Variants in TMEM178A observed in about 807,000 individuals in gnomAD.
TMEM178A encodes the protein transmembrane protein 178.
A neutral mutation model predicts 29.1 loss-of-function variants in TMEM178A; 12 were observed. That is an observed-to-expected ratio of 0.41 (90% CI 0.26 to 0.67). The LOEUF (loss-of-function observed/expected upper bound fraction) is 0.67, where lower values mean the gene tolerates loss of function less well. Ranked by LOEUF, TMEM178A falls within the 30% of genes least tolerant of loss-of-function variation. The pLI, the probability that TMEM178A is intolerant of heterozygous loss-of-function variation, is 0.29. For synonymous variants in TMEM178A, 210 were observed against 187.2 expected, an observed-to-expected ratio of 1.12 and a Z score of -0.99; for missense variants, 366 against 419.1, an observed-to-expected ratio of 0.87 and a Z score of 1.11.
chr2:39,681,763 C>T (rs1168827488), intron 1 of TMEM178A, among the ~76,000 whole-genome samples: 1 of 152,132 alleles, frequency 6.6e-6, no homozygotes, highest in Admixed American at 6.5e-5. Flanking sequence ...GAAAAAGCAC[C>T]TTAAATTTAC....
chr2:39,703,156 A>G (rs17024166), intron 1 of TMEM178A, among the ~76,000 whole-genome samples: 3,377 of 152,312 alleles, frequency 0.022, 111 homozygotes, highest in African/African-American at 0.076. Flanking sequence ...GTGTTAAAGG[A>G]CTAACATTCG....
downstream of TMEM178A, among the ~76,000 whole-genome samples, chr2:39,721,952 A>C (rs1218251075): frequency 7.7e-6 from 1 of 130,050 alleles, no homozygotes; most frequent in Non-Finnish European, 1.6e-5. Context: ...ACTGCACTGC[A>C]CTCCAGCCTG....
chr2:39,723,999 C>T, the TMEM178A span, among the ~76,000 whole-genome samples: 2 of 152,142 alleles, frequency 1.3e-5, no homozygotes, highest in South Asian at 4.1e-4. Flanking sequence ...GCACACACTG[C>T]ACTTTGTAAT....
At chr2:39,694,905 A>G (rs534061901) in intron 1 of TMEM178A, among the ~76,000 whole-genome samples, 7 of 152,322 alleles carry the variant, frequency 4.6e-5, no homozygotes, top group African/African-American at 1.4e-4. Context: ...ACCTGATGAA[A>G]GGTTTGTCCT....
At chr2:39,706,551 A>G (rs1327827006) in intron 2 of TMEM178A, among the ~76,000 whole-genome samples, 1 of 152,230 alleles carries the variant, frequency 6.6e-6, no homozygotes, top group African/African-American at 2.4e-5. Flanking sequence ...ACCCTATTTC[A>G]CAATAGCTTT....
At chr2:39,728,937 A>T in the TMEM178A span, among the ~76,000 whole-genome samples, 1 of 152,208 alleles carries the variant, frequency 6.6e-6, no homozygotes, top group Non-Finnish European at 1.5e-5. Context: ...GGTAACAGAA[A>T]AAATGCAAAA....
chr2:39,702,746 A>G (rs1237232460), intron 1 of TMEM178A, among the ~76,000 whole-genome samples: 1 of 152,006 alleles, frequency 6.6e-6, no homozygotes, highest in Admixed American at 6.5e-5. Context: ...TAAAAAAAAA[A>G]GCTTCCAAAA....
At chr2:39,682,985 C>T (rs2716695) in intron 1 of TMEM178A, among the ~76,000 whole-genome samples, 3,277 of 152,270 alleles carry the variant, frequency 0.022, 121 homozygotes, top group African/African-American at 0.075. Context: ...CAAGATAAAG[C>T]AGATACAGGG....
At chr2:39,721,151 G>T (rs1672694858), downstream of TMEM178A, among the ~76,000 whole-genome samples, 1 of 152,234 alleles carries the variant, frequency 6.6e-6, no homozygotes, top group Admixed American at 6.5e-5. Context: ...CTGGGGCCTT[G>T]CCCTTTGACT....
At chr2:39,728,358 C>T in the TMEM178A span, among the ~76,000 whole-genome samples, 3 of 152,216 alleles carry the variant, frequency 2.0e-5, no homozygotes, top group African/African-American at 7.2e-5. Flanking sequence ...CAGCTGTCTG[C>T]TTCTTGAATG....
chr2:39,722,687 G>C (rs1194956593), downstream of TMEM178A, among the ~76,000 whole-genome samples: 1 of 152,198 alleles, frequency 6.6e-6, no homozygotes, highest in Non-Finnish European at 1.5e-5. Flanking sequence ...ACAGCAGATA[G>C]ACTATTGGTC....
At chr2:39,701,042 T>G (rs1671759244) in intron 1 of TMEM178A, among the ~76,000 whole-genome samples, 1 of 152,146 alleles carries the variant, frequency 6.6e-6, no homozygotes, top group African/African-American at 2.4e-5. Flanking sequence ...AGATTTATAA[T>G]TGTTGCTTTA....
chr2:39,723,898 A>G, the TMEM178A span, among the ~76,000 whole-genome samples: 2 of 152,188 alleles, frequency 1.3e-5, no homozygotes, highest in African/African-American at 4.8e-5. Flanking sequence ...ATACATCTAG[A>G]TAGGTTCACA....
At chr2:39,705,327 A>C (rs192309751) in intron 2 of TMEM178A, among the ~76,000 whole-genome samples, 3 of 152,230 alleles carry the variant, frequency 2.0e-5, no homozygotes, top group Non-Finnish European at 2.9e-5. Context: ...TAAGCTTAAC[A>C]TGACTGGTAC....
intron 1 of TMEM178A, among the ~76,000 whole-genome samples, chr2:39,673,134 ACCTCAGATTGGCCATCT>A (rs546220713): frequency 0.015 from 2,295 of 152,218 alleles, 28 homozygotes; most frequent in Admixed American, 0.023. Context: ...GCAAACCACG[ACCTCAGATTGGCCATCT>A]CTTCATGCCC....
At chr2:39,719,549 G>A (rs938073083), downstream of TMEM178A, among the ~76,000 whole-genome samples, 3 of 152,264 alleles carry the variant, frequency 2.0e-5, no homozygotes, top group Non-Finnish European at 2.9e-5. Context: ...TGTCACGCAA[G>A]TGTGGGCAAA....
intron 1 of TMEM178A, among the ~76,000 whole-genome samples, chr2:39,698,879 T>C (rs949535824): frequency 3.9e-5 from 6 of 152,176 alleles, no homozygotes; most frequent in African/African-American, 1.4e-4. Context: ...TATTTTTTCT[T>C]GAGTCAGTCT....
At chr2:39,730,104 G>C in the TMEM178A span, among the ~76,000 whole-genome samples, 4 of 152,074 alleles carry the variant, frequency 2.6e-5, no homozygotes, top group African/African-American at 9.7e-5. Flanking sequence ...AATTCAACCT[G>C]TTTATGTGTT....
chr2:39,708,473 C>T (rs1236794364), intron 3 of TMEM178A, among the ~76,000 whole-genome samples: 1 of 124,000 alleles, frequency 8.1e-6, no homozygotes, highest in Non-Finnish European at 1.6e-5. Context: ...GGCTGGAGTG[C>T]AGTGGCGCGA....
Sources: allele counts gnomAD v4.1 joint callset (sites outside exome capture counted in the v4.1 genomes callset), GRCh38; gene constraint gnomAD v4.1.1; transcripts MANE v1.5; gene names NCBI Gene and HGNC (gene_info 2026-07-23, HGNC 2026-07-21).